Variants in THBS2 observed in about 807,000 individuals in gnomAD.
THBS2 encodes thrombospondin-2.
In THBS2, 47 loss-of-function variants were observed where a neutral mutation model predicts 135.2. The ratio of observed to expected loss-of-function variants is 0.35; its 90% CI spans 0.28 to 0.44. The LOEUF (loss-of-function observed/expected upper bound fraction) is 0.44, where lower values mean the gene tolerates loss of function less well. Among genes scored for constraint, THBS2 ranks in the 20% least tolerant of loss-of-function variants. The pLI is 1.00. For missense variants in THBS2, 1,288 were observed against 1,603.1 expected (o/e 0.80, Z 3.36); for synonymous variants, 639 against 633.8 (o/e 1.01, Z -0.12).
intron 7 of THBS2, 74 bp downstream of exon 7, chr6:169,239,525 C>A: frequency 1.4e-6 from 2 of 1,425,864 alleles, no homozygotes; most frequent in Admixed American, 2.0e-5. Flanking sequence ...CCAAAACCAA[C>A]CAATGAATAA....
At chr6:169,231,486 C>T (rs1279723762) in intron 13 of THBS2, among the ~76,000 whole-genome samples, 6 of 152,206 alleles carry the variant, frequency 3.9e-5, no homozygotes, top group Admixed American at 1.3e-4. Flanking sequence ...GTTCCAGCGG[C>T]CACAGGAAAG....
At chr6:169,233,262 CCACA>C (rs1222045107) in intron 10 of THBS2, among the ~76,000 whole-genome samples, 1 of 152,068 alleles carries the variant, frequency 6.6e-6, no homozygotes, top group Non-Finnish European at 1.5e-5. Context: ...ACGGGCCACA[CCACA>C]CAACTACCCA....
In THBS2 at chr6:169,232,047, G is replaced by A. The variant is rs757224086; in HGVS notation, c.2084C>T (p.Ser695Leu). The change falls in exon 13 of 22, where the codon TCG becomes TTG. Residue 695 changes from serine (S) to leucine (L), a missense_variant. Coordinates refer to ENST00000617924, the MANE Select transcript of THBS2 (RefSeq NM_003247.5). ...GAGGTTGGGCCAGCCGTCCAGGTCC[G>A]AGTCCTCCCCGCAGATGAGCCCGTC... ...AGDGLICGED[S>L]DLDGWPNLNL... 11 of 1,613,922 alleles carry A rather than the reference G, an allele frequency of 6.8e-6. No individual in the cohort carries two copies. Among genetic ancestry groups the A allele is most frequent in the African/African-American group, 1.3e-5 (1 of 74,918 alleles).
rs772269829 is a variant in THBS2 at position 169,232,714 on chromosome 6, C to CT, written c.1881dup (p.Gly628ArgfsTer20). The CT allele has an allele frequency of 1.2e-6, 2 of 1,613,902 alleles. No individual in the cohort carries two copies. The highest frequency in any genetic ancestry group is 1.7e-6 in the Non-Finnish European group (2 of 1,179,900). On this transcript the variant is annotated frameshift_variant, in exon 12 of 22. Transcript: ENST00000617924. LOFTEE classifies it high-confidence loss of function. The stretch of plus-strand genomic sequence containing the variant: ...AGGCCGACCCCGACGGGCTGGTTCC[C>CT]TCTGTATCGGGGCGGGCAGGGCAGG...
rs1779753401 is a variant in THBS2 at position 169,229,431 on chromosome 6, A to AC, written c.2259+140dup. 4 of 621,698 alleles carry AC rather than the reference A, an allele frequency of 6.4e-6. No individual in the cohort carries two copies. In the East Asian group the frequency reaches 1.1e-4, roughly 17 times the overall value. The allele number at this position is 621,698 out of a possible 1,614,324, so 38.5% of individuals were successfully genotyped here. ...TTTGCAAAGGACTGTCTTTATAGTG[A>AC]CCTTTGGGAACTGCCTATGCACAAA... On this transcript the variant is annotated intron_variant, in intron 14 of 21. Transcript: ENST00000617924.
chr6:169,235,465 C>A (rs1779999302), intron 9 of THBS2, among the ~76,000 whole-genome samples: 1 of 152,064 alleles, frequency 6.6e-6, no homozygotes, highest in African/African-American at 2.4e-5. Flanking sequence ...CAGCTGAAGG[C>A]AATCCCTGCA....
chr6:169,240,398 G>C (rs1780246112), intron 6 of THBS2, 54 bp downstream of exon 6: 2 of 1,596,624 alleles, frequency 1.3e-6, no homozygotes, highest in Non-Finnish European at 1.7e-6. Context: ...GTCAGGTTCT[G>C]CCAAGTGTCC....
At chr6:169,236,121 C>T (rs111162672) in intron 9 of THBS2, among the ~76,000 whole-genome samples, 2 of 123,498 alleles carry the variant, frequency 1.6e-5, no homozygotes, top group South Asian at 6.1e-4. Flanking sequence ...CACACTCATT[C>T]CCCCTTAAAC....
chr6:169,231,098 G>A (rs1380844708), intron 13 of THBS2, among the ~76,000 whole-genome samples: 2 of 152,104 alleles, frequency 1.3e-5, no homozygotes, highest in South Asian at 2.1e-4. Context: ...GTGTCTTGGC[G>A]CCCGGGGATG....
chr6:169,240,878 G>A (rs1412738884), intron 5 of THBS2, among the ~76,000 whole-genome samples: 6 of 152,256 alleles, frequency 3.9e-5, no homozygotes, highest in African/African-American at 7.2e-5. Flanking sequence ...GCAGAGCAAC[G>A]CTGGGGCTCC....
At chr6:169,217,934 A>AGAT in intron 21 of THBS2, 105 bp from the exon 22 acceptor site, 1 of 1,120,958 alleles carries the variant, frequency 8.9e-7, no homozygotes, top group Non-Finnish European at 1.3e-6. Context: ...CTTTAATTAA[A>AGAT]GATGAGATCT....
intron 3 of THBS2, among the ~76,000 whole-genome samples, chr6:169,247,395 T>C (rs1375759585): frequency 1.3e-5 from 2 of 152,064 alleles, no homozygotes; most frequent in Admixed American, 1.3e-4. Context: ...TGTATGTGCA[T>C]GCATGAGTTT....
intron 13 of THBS2, among the ~76,000 whole-genome samples, chr6:169,229,975 C>A (rs186123022): frequency 6.6e-6 from 1 of 152,154 alleles, no homozygotes; most frequent in African/African-American, 2.4e-5. Flanking sequence ...AAGAGAATGA[C>A]AAGGTATTGC....
In THBS2 at chr6:169,237,149, C is replaced by T. The variant is rs1490352958; in HGVS notation, c.1477+21G>A. Reference sequence around the variant, plus strand: ...TGCCTGCAAGCCCGCCCACCCAGGGCCCCGCCTTCACCGTACTTACTTGGG... The same window carrying T: ...TGCCTGCAAGCCCGCCCACCCAGGGTCCCGCCTTCACCGTACTTACTTGGG... On this transcript the variant is annotated intron_variant, in intron 9 of 21. Transcript: ENST00000617924. The T allele has an allele frequency of 6.3e-6, 10 of 1,588,826 alleles. No homozygotes were observed. In the East Asian group the frequency reaches 1.6e-4, roughly 25 times the overall value.
At position 169,224,407 on chromosome 6, in the gene THBS2, G is replaced by A. The variant is rs151114638; in HGVS notation, c.2773+738C>T. ...CTCACTCCATCCCTTCATGCTGCTC[G>A]GGGAGAACACAGGAGCTGCCCTTCT... is the stretch of plus-strand genomic sequence containing the variant. On this transcript the variant is annotated intron_variant, in intron 17 of 21. Coordinates refer to ENST00000617924, the MANE Select transcript of THBS2 (RefSeq NM_003247.5). Among the ~76,000 whole-genome samples the A allele has an allele frequency of 1.4e-3, 213 of 152,270 alleles. 2 individuals carry two copies. The highest frequency in any genetic ancestry group is 4.7e-3 in the African/African-American group (197 of 41,554).
intron 10 of THBS2, 96 bp from the exon 11 acceptor site, chr6:169,233,113 T>C: frequency 2.8e-6 from 4 of 1,413,370 alleles, no homozygotes; most frequent in Non-Finnish European, 3.7e-6. Context: ...GGGATGTCTT[T>C]GTCATCGAAT....
chr6:169,239,661 G>A lies in THBS2; in HGVS notation c.1067C>T (p.Pro356Leu), dbSNP rs749650753. Reference protein sequence around the residue: ...FKTICHQITCPPATCASPSFV... With the variant: ...FKTICHQITCLPATCASPSFV... ...GGATGGACTGGCGCAGGTTGCAGGC[G>A]GGCAGGTGATTTGGTGGCAAATGGT... The change falls in exon 7 of 22, where the codon CCG (proline) becomes CTG (leucine). Residue 356 changes from proline (P) to leucine (L), a missense_variant. Pro to Leu is a moderately conservative substitution (Grantham distance 98, BLOSUM62 -3). Transcript: ENST00000617924. The A allele has an allele frequency of 4.3e-5, 69 of 1,604,510 alleles. No homozygotes were observed. Among genetic ancestry groups the A allele is most frequent in the Non-Finnish European group, 5.1e-5 (60 of 1,176,056 alleles).
At chr6:169,247,688 GCA>G (rs1205215423) in intron 3 of THBS2, among the ~76,000 whole-genome samples, 1 of 151,814 alleles carries the variant, frequency 6.6e-6, no homozygotes, top group African/African-American at 2.4e-5. Context: ...CCTGTTTTGT[GCA>G]CACATGTATA....
rs1357226464 is a variant in THBS2 at position 169,217,814 on chromosome 6, A to G, written c.*8T>C. The G allele has an allele frequency of 6.2e-7, 1 of 1,604,994 alleles. No homozygotes were observed. ...ACAGGGCATTGCCGGAAATGCAGCA[A>G]ATCTTGTTTAAATATCTACAAAAAG... On this transcript the variant is annotated 3_prime_UTR_variant, in exon 22 of 22. Transcript: ENST00000617924.
Sources: allele counts gnomAD v4.1 joint callset (sites outside exome capture counted in the v4.1 genomes callset), GRCh38; gene constraint gnomAD v4.1.1; transcripts MANE v1.5; gene names NCBI Gene and HGNC (gene_info 2026-07-23, HGNC 2026-07-21).